ACCSL: variants seen among roughly 807,000 people sequenced by gnomAD.
ACCSL encodes probable inactive 1-aminocyclopropane-1-carboxylate synthase-like protein 2.
ACCSL carries 55 observed loss-of-function variants against 61.7 expected under a neutral mutation model. The observed-to-expected ratio is 0.89, with a 90% CI of 0.72 to 1.12. The LOEUF is 1.12. Ranked by LOEUF, ACCSL falls within the 50% of genes most tolerant of loss-of-function variation. The probability of loss-of-function intolerance (pLI) is 0.00; values close to 1 mark genes in which losing one functional copy is unlikely to be tolerated. For missense variants in ACCSL, 632 were observed against 698.0 expected (o/e 0.91, Z 1.07); for synonymous variants, 258 against 264.3 (o/e 0.98, Z 0.23).
the ACCSL span, among the ~76,000 whole-genome samples, chr11:44,038,427 C>G: frequency 1.3e-5 from 2 of 152,124 alleles, no homozygotes; most frequent in Non-Finnish European, 2.9e-5. Flanking sequence ...AGGAGGAAGG[C>G]TCCTTGGAGG....
rs1952663982 is a variant in ACCSL, at chr11:44,055,230, A to C, written c.1078A>C (p.Ile360Leu). 1 of 1,612,244 alleles carries C rather than the reference A, an allele frequency of 6.2e-7. No homozygotes were observed. Among genetic ancestry groups the C allele is most frequent in the Admixed American group, 1.7e-5 (1 of 59,988 alleles). ...TAACCTACATGTGATCATAGATGAG[A>C]TTTACATGCTGTCTGTGTTTGATGA... ...RYNLHVIIDEIYMLSVFDESI... is the reference protein window; with the variant it reads ...RYNLHVIIDELYMLSVFDESI... The change falls in exon 9 of 14, where the codon ATT becomes CTT. Residue 360 changes from isoleucine to leucine, a missense_variant. Physicochemically the swap from Ile to Leu is conservative, Grantham distance 5. Transcript: ENST00000378832.
At chr11:43,950,733 G>C in the ACCSL span, among the ~76,000 whole-genome samples, 2 of 152,220 alleles carry the variant, frequency 1.3e-5, no homozygotes, top group African/African-American at 4.8e-5. Context: ...AAGATGGAAG[G>C]ATCCCAGATC....
chr11:43,935,893 CG>C, the ACCSL span, among the ~76,000 whole-genome samples: 1 of 152,232 alleles, frequency 6.6e-6, no homozygotes, highest in South Asian at 2.1e-4. Flanking sequence ...ACCCCTGTCC[CG>C]GGGTGGCTGG....
intron 7 of ACCSL, 27 bp from the exon 8 acceptor site, chr11:44,053,379 A>G (rs374762382): frequency 4.4e-6 from 7 of 1,601,020 alleles, no homozygotes; most frequent in Middle Eastern, 3.3e-4. Context: ...ACTTGTATTC[A>G]CTCAGTTATA....
the ACCSL span, among the ~76,000 whole-genome samples, chr11:44,037,570 TC>T: frequency 6.6e-6 from 1 of 152,188 alleles, no homozygotes; most frequent in Non-Finnish European, 1.5e-5. Context: ...TCTTGGCAAA[TC>T]CGTGTTACAG....
chr11:43,934,936 G>A, the ACCSL span, among the ~76,000 whole-genome samples: 1 of 152,156 alleles, frequency 6.6e-6, no homozygotes, highest in African/African-American at 2.4e-5. Flanking sequence ...AAGCCAAAGT[G>A]TGGGTAGGGA....
At chr11:44,023,530 G>A in the ACCSL span, among the ~76,000 whole-genome samples, 3 of 151,174 alleles carry the variant, frequency 2.0e-5, no homozygotes, top group African/African-American at 4.8e-5. Flanking sequence ...TTTGTAACTC[G>A]AATTTTTTCT....
chr11:44,036,594 C>T, the ACCSL span, among the ~76,000 whole-genome samples: 1 of 151,774 alleles, frequency 6.6e-6, no homozygotes, highest in Non-Finnish European at 1.5e-5. Context: ...CCAGCCTGGC[C>T]AACATGGCAA....
In ACCSL at chr11:44,051,685, C is replaced by T. The variant is rs141342057; in HGVS notation, c.738C>T (p.Phe246=). ...TTCTAAATGGCTGCTGCTCTGTCTT[C>T]TGTGCCCTGGCCATGGTTCTGTGTG... ...VVVLNGCCSV[F]CALAMVLCDP... Residue 246 remains phenylalanine (F), a synonymous_variant, in exon 5 of 14, where the codon TTC becomes TTT. Transcript: ENST00000378832. 438 of 1,614,200 alleles carry T rather than the reference C, an allele frequency of 2.7e-4. No individual in the cohort carries two copies. In the African/African-American group the frequency reaches 4.9e-3, roughly 18 times the overall value.
At chr11:43,948,413 T>C in the ACCSL span, among the ~76,000 whole-genome samples, 1 of 151,992 alleles carries the variant, frequency 6.6e-6, no homozygotes, top group Non-Finnish European at 1.5e-5. Flanking sequence ...CTCAGAGGGG[T>C]TAATTTTCTT....
the ACCSL span, among the ~76,000 whole-genome samples, chr11:43,983,203 A>G: frequency 6.6e-6 from 1 of 152,218 alleles, no homozygotes; most frequent in African/African-American, 2.4e-5. Flanking sequence ...AAGGAACTTG[A>G]GAGAGCAAAT....
intron 8 of ACCSL, 99 bp from the exon 9 acceptor site, chr11:44,055,102 GA>G: frequency 1.2e-6 from 1 of 832,678 alleles, no homozygotes; most frequent in Non-Finnish European, 1.9e-6. Flanking sequence ...CACCATAAAA[GA>G]CATGACTTAA....
the ACCSL span, among the ~76,000 whole-genome samples, chr11:44,007,423 G>A: frequency 6.6e-6 from 1 of 152,312 alleles, no homozygotes; most frequent in East Asian, 1.9e-4. Flanking sequence ...TTGCTTCTGG[G>A]AAGCATCTGT....
At position 44,052,991 on chromosome 11, in the gene ACCSL, G is replaced by T; in HGVS notation, c.871G>T (p.Val291Phe). 6.2e-7 allele frequency: 1 copy of T among 1,613,610 alleles called. No individual in the cohort carries two copies. Among genetic ancestry groups the T allele is most frequent in the Non-Finnish European group, 8.5e-7 (1 of 1,179,542 alleles). Residue 291 changes from valine (V) to phenylalanine (F), a missense_variant and splice_region_variant, in exon 7 of 14, where the codon GTC becomes TTC. By Grantham distance (50) the Val-to-Phe change is conservative. Transcript: ENST00000378832. ...TTCTCACATAGTGTTTCTCTTCCAG[G>T]TCACTGTTACAAACACCCATCCTTT... The part of the protein sequence containing the change: ...ELIPVHLESE[V>F]TVTNTHPFQL...
At chr11:43,971,295 A>AG in the ACCSL span, 3 of 137,786 alleles carry the variant, frequency 2.2e-5, no homozygotes, top group African/African-American at 7.7e-5. Flanking sequence ...AAAAAAAAAA[A>AG]AAAGAAAAGA....
the ACCSL span, among the ~76,000 whole-genome samples, chr11:43,969,529 C>T: frequency 6.6e-6 from 1 of 152,082 alleles, no homozygotes; most frequent in Non-Finnish European, 1.5e-5. Context: ...TTAGTAGAAA[C>T]TAACTACATT....
the ACCSL span, among the ~76,000 whole-genome samples, chr11:43,962,684 T>G: frequency 6.6e-6 from 1 of 152,216 alleles, no homozygotes; most frequent in African/African-American, 2.4e-5. Context: ...AAAAAAGGCG[T>G]GGCTAAACCA....
At chr11:43,988,694 C>T in the ACCSL span, among the ~76,000 whole-genome samples, 1 of 151,864 alleles carries the variant, frequency 6.6e-6, no homozygotes, top group Non-Finnish European at 1.5e-5. Context: ...CACTCGGTTC[C>T]ACACAGGGTT....
At chr11:44,050,785 G>A (rs746356633) in intron 3 of ACCSL, among the ~76,000 whole-genome samples, 163 bp downstream of exon 3, 1 of 151,412 alleles carries the variant, frequency 6.6e-6, no homozygotes, top group Non-Finnish European at 1.5e-5. Flanking sequence ...AGGCAGCCTG[G>A]TATAGTAGGA....
Sources: allele counts gnomAD v4.1 joint callset (sites outside exome capture counted in the v4.1 genomes callset), GRCh38; gene constraint gnomAD v4.1.1; transcripts MANE v1.5; gene names NCBI Gene and HGNC (gene_info 2026-07-23, HGNC 2026-07-21).